Variants in RCBTB1 observed in about 807,000 individuals in gnomAD.
RCBTB1 encodes RCC1 and BTB domain containing protein 1.
Under a neutral mutation model 62.4 loss-of-function variants are expected in RCBTB1, and 46 were observed. The ratio of observed to expected loss-of-function variants is 0.74; its 90% CI spans 0.58 to 0.94. RCBTB1 has a LOEUF of 0.94. RCBTB1 is among the 40% of genes least tolerant of loss of function. The pLI, the probability that RCBTB1 is intolerant of heterozygous loss-of-function variation, is 0.00. For synonymous variants in RCBTB1, 222 were observed against 245.8 expected (o/e 0.90, Z 0.91); for missense variants, 565 against 654.9 (o/e 0.86, Z 1.50).
chr13:49,557,531 C>CT (rs1271023799), intron 5 of RCBTB1, among the ~76,000 whole-genome samples: 1 of 151,882 alleles, frequency 6.6e-6, no homozygotes, highest in Non-Finnish European at 1.5e-5. Context: ...TAAAATAGAC[C>CT]TTAAGGATGG....
At chr13:49,547,052 G>A in intron 9 of RCBTB1, 1 of 1,237,620 alleles carries the variant, frequency 8.1e-7, no homozygotes, top group Non-Finnish European at 1.0e-6. Flanking sequence ...TCCAGGTTAA[G>A]TAGTATATAC....
In RCBTB1 at chr13:49,549,512, C is replaced by T. The variant is rs150189495; in HGVS notation, c.991G>A (p.Asp331Asn). The part of the protein sequence containing the change: ...PHLTHFSCTD[D>N]VFACFATPAV... ...GGAGTGGCAAAGCAGGCAAACACGT[C>T]GTCGGTGCAGGAGAAGTGGGTGAGG... The change falls in exon 9 of 13, where the codon GAC becomes AAC. Residue 331 changes from aspartate (D) to asparagine (N), a missense_variant. By Grantham distance (23) the Asp-to-Asn change is conservative. Coordinates refer to ENST00000378302, the MANE Select transcript of RCBTB1 (RefSeq NM_018191.4). 248 of 1,613,722 alleles carry T rather than the reference C, an allele frequency of 1.5e-4. No homozygotes were observed. The highest frequency in any genetic ancestry group is 1.9e-4 in the Non-Finnish European group (227 of 1,179,818).
At chr13:49,579,892 G>A (rs1369737189) in intron 2 of RCBTB1, among the ~76,000 whole-genome samples, 2 of 152,298 alleles carry the variant, frequency 1.3e-5, no homozygotes, top group Middle Eastern at 3.4e-3. Context: ...TCCTACAACT[G>A]TCATTTCCCA....
At chr13:49,556,559 G>A (rs758833226) in intron 5 of RCBTB1, among the ~76,000 whole-genome samples, 19 of 148,432 alleles carry the variant, frequency 1.3e-4, no homozygotes, top group African/African-American at 3.9e-4. Flanking sequence ...TGGCAGTAGA[G>A]GAAATAATTT....
intron 2 of RCBTB1, among the ~76,000 whole-genome samples, chr13:49,573,655 T>G (rs11148154): frequency 0.22 from 33,972 of 151,502 alleles, 4,690 homozygotes; most frequent in East Asian, 0.55. Flanking sequence ...TCACCATGTT[T>G]GCCAGGCTGG....
chr13:49,566,669 T>A lies in RCBTB1; in HGVS notation c.226A>T (p.Ile76Phe). ...CCACTCCCGTAACTGAGGCTTTTAA[T>A]CTTCTTTCCACATAAGCCTTCTAGC... ...KKLEGLCGKK[I>F]KSLSYGSGPH... is the part of the protein sequence containing the mutation. The change falls in exon 4 of 13, where the codon ATT becomes TTT. Residue 76 changes from isoleucine (I) to phenylalanine (F), a missense_variant. Coordinates refer to ENST00000378302, the MANE Select transcript of RCBTB1 (RefSeq NM_018191.4). The A allele has an allele frequency of 6.2e-7, 1 of 1,614,198 alleles. No individual in the cohort carries two copies. The highest frequency in any genetic ancestry group is 8.5e-7 in the Non-Finnish European group (1 of 1,180,002).
chr13:49,568,231 A>G (rs1005739385), intron 2 of RCBTB1, among the ~76,000 whole-genome samples: 4 of 152,198 alleles, frequency 2.6e-5, no homozygotes, highest in Non-Finnish European at 4.4e-5. Flanking sequence ...GACCTGCTAC[A>G]TTTCTTTCCA....
chr13:49,559,857 G>A (rs1262595365), intron 5 of RCBTB1, 61 bp downstream of exon 5: 17 of 1,483,414 alleles, frequency 1.1e-5, no homozygotes, highest in Non-Finnish European at 2.7e-6. Flanking sequence ...TAAATTTTAT[G>A]TTAAGTGTAT....
intron 12 of RCBTB1, among the ~76,000 whole-genome samples, chr13:49,535,385 A>T (rs888310459): frequency 6.6e-6 from 1 of 152,218 alleles, no homozygotes; most frequent in Admixed American, 6.5e-5. Context: ...ATGCATACAA[A>T]GACTCAATAT....
rs1963258133 is a variant in RCBTB1 at position 49,569,535 on chromosome 13, A to C, written c.-41-2215T>G. The stretch of plus-strand genomic sequence containing the variant: ...GTGACCAGCCTGGCAAACATAGTGA[A>C]ACCCCATCTTTACTGAAAATACAAA... On this transcript the variant is annotated intron_variant, in intron 2 of 12. Transcript: ENST00000378302. Among the ~76,000 whole-genome samples the C allele has an allele frequency of 2.0e-5, 3 of 152,126 alleles. No individual in the cohort carries two copies. In the South Asian group the frequency reaches 6.2e-4, roughly 32 times the overall value.
At chr13:49,534,360 C>T (rs906953449) in intron 12 of RCBTB1, 98 bp from the exon 13 acceptor site, 1 of 1,256,630 alleles carries the variant, frequency 8.0e-7, no homozygotes, top group Non-Finnish European at 1.1e-6. Flanking sequence ...CTCTCACCCT[C>T]CCCCAGAAAA....
chr13:49,561,822 C>T (rs1253262995), intron 4 of RCBTB1, among the ~76,000 whole-genome samples: 1 of 151,584 alleles, frequency 6.6e-6, no homozygotes, highest in East Asian at 1.9e-4. Flanking sequence ...TTCTATGAGG[C>T]TGGGCTTGCC....
intron 4 of RCBTB1, among the ~76,000 whole-genome samples, chr13:49,564,617 C>T (rs561986111): frequency 1.3e-4 from 17 of 129,476 alleles, no homozygotes; most frequent in African/African-American, 4.3e-4. Flanking sequence ...AAATGCCGGG[C>T]GCGGTGGCTC....
At chr13:49,565,667 G>GCGA (rs1566255307) in intron 4 of RCBTB1, among the ~76,000 whole-genome samples, 9 of 89,094 alleles carry the variant, frequency 1.0e-4, no homozygotes, top group South Asian at 4.9e-4. Context: ...CTGCCCGGCC[G>GCGA]CCCCGTCTGA....
intron 2 of RCBTB1, among the ~76,000 whole-genome samples, chr13:49,573,159 T>A (rs552855127): frequency 6.6e-6 from 1 of 152,354 alleles, no homozygotes; most frequent in East Asian, 1.9e-4. Flanking sequence ...ATGTACCCTG[T>A]AAGACTTAGT....
intron 5 of RCBTB1, 97 bp from the exon 6 acceptor site, chr13:49,555,770 G>T: frequency 2.3e-6 from 2 of 880,260 alleles, no homozygotes; most frequent in Non-Finnish European, 1.7e-6. Flanking sequence ...CCTACTTAAT[G>T]AGTACTTAAG....
intron 2 of RCBTB1, among the ~76,000 whole-genome samples, chr13:49,577,382 G>A (rs1275491344): frequency 6.6e-6 from 1 of 152,136 alleles, no homozygotes; most frequent in Admixed American, 6.5e-5. Flanking sequence ...AACAGGAAAT[G>A]GAGAGAAATG....
chr13:49,546,051 G>A (rs1960758658), intron 9 of RCBTB1: 13 of 982,748 alleles, frequency 1.3e-5, no homozygotes, highest in Non-Finnish European at 1.6e-5. Flanking sequence ...GGCTTCCCCT[G>A]ACCTTGCAAC....
intron 12 of RCBTB1, among the ~76,000 whole-genome samples, chr13:49,535,834 C>T (rs944264673): frequency 1.3e-5 from 2 of 152,016 alleles, no homozygotes; most frequent in African/African-American, 4.8e-5. Flanking sequence ...ACCAGCTTGA[C>T]CAACATGGTG....
Sources: gnomAD v4.1 joint callset for allele counts (sites outside exome capture counted in the v4.1 genomes callset) on GRCh38, gnomAD v4.1.1 for gene constraint, MANE v1.5 for transcripts, NCBI Gene and HGNC (gene_info 2026-07-23, HGNC 2026-07-21) for gene names.